RBFOX3: variants seen among roughly 807,000 people sequenced by gnomAD.
RBFOX3 encodes the protein RNA binding fox-1 homolog 3, also known as RNA binding protein fox-1 homolog 3.
A neutral mutation model predicts 48.7 loss-of-function variants in RBFOX3; 17 were observed. The observed-to-expected ratio is 0.35, with a 90% CI of 0.24 to 0.52. RBFOX3 has a LOEUF of 0.52. Among genes scored for constraint, RBFOX3 ranks in the 20% least tolerant of loss-of-function variants. RBFOX3 has a pLI of 0.94. For missense variants in RBFOX3, 382 were observed against 497.5 expected (o/e 0.77, Z 2.21); for synonymous variants, 212 against 209.5 (o/e 1.01, Z -0.10).
intron 4 of RBFOX3, among the ~76,000 whole-genome samples, chr17:79,203,823 T>C (rs2057131469): frequency 6.6e-6 from 1 of 152,086 alleles, no homozygotes; most frequent in African/African-American, 2.4e-5. Context: ...GTGTACCAAT[T>C]GTATACCAAT....
At position 79,419,371 on chromosome 17, in the gene RBFOX3, G is replaced by A. The variant is rs139546721; in HGVS notation, c.-175+63083C>T. Reference sequence around the variant, plus strand: ...TCCAGAAAACCAAAGATGAGCCAACGCCTCACCACTGCCAAGACCTACGTC... The same window carrying A: ...TCCAGAAAACCAAAGATGAGCCAACACCTCACCACTGCCAAGACCTACGTC... On this transcript the variant is annotated intron_variant, in intron 2 of 14. Coordinates refer to ENST00000693108, the MANE Select transcript of RBFOX3 (RefSeq NM_001350451.2). 1.8e-3 allele frequency among the ~76,000 whole-genome samples: 271 copies of A among 152,268 alleles called. 1 individual carries two copies. Among genetic ancestry groups the A allele is most frequent in the African/African-American group, 5.6e-3 (233 of 41,548 alleles).
the RBFOX3 span, among the ~76,000 whole-genome samples, chr17:79,649,610 G>A: frequency 2.0e-5 from 3 of 152,224 alleles, no homozygotes; most frequent in East Asian, 1.9e-4. Context: ...GGAGGCTGAC[G>A]CAGGAGAATC....
At chr17:79,133,915 C>A (rs955240636) in intron 4 of RBFOX3, among the ~76,000 whole-genome samples, 8 of 152,336 alleles carry the variant, frequency 5.3e-5, no homozygotes, top group African/African-American at 1.7e-4. Flanking sequence ...GTTCCAGGGC[C>A]GCTTGCTCTG....
At chr17:79,170,746 G>T (rs544666776) in intron 4 of RBFOX3, among the ~76,000 whole-genome samples, 33 of 152,080 alleles carry the variant, frequency 2.2e-4, no homozygotes, top group African/African-American at 8.0e-4. Context: ...TTCCTTACTT[G>T]TAAATCTGAT....
At chr17:79,308,910 A>G (rs2377399) in intron 2 of RBFOX3, among the ~76,000 whole-genome samples, 131,052 of 152,004 alleles carry the variant, frequency 0.86, 58,176 homozygotes, top group South Asian at 0.98. Flanking sequence ...CTTGAGGCCA[A>G]GAGTTCAAGA....
intron 2 of RBFOX3, among the ~76,000 whole-genome samples, chr17:79,377,232 GCA>G (rs200354223): frequency 0.086 from 13,064 of 152,022 alleles, 1,840 homozygotes; most frequent in African/African-American, 0.3. Context: ...CTACACAGAC[GCA>G]CAGAGATGCA....
intron 4 of RBFOX3, among the ~76,000 whole-genome samples, chr17:79,141,614 C>CCT (rs1175239455): frequency 6.6e-6 from 1 of 152,128 alleles, no homozygotes; most frequent in Non-Finnish European, 1.5e-5. Flanking sequence ...AAGCCACAGC[C>CCT]CCTTGGCAAT....
intron 2 of RBFOX3, among the ~76,000 whole-genome samples, chr17:79,385,039 A>T (rs1322354408): frequency 6.6e-6 from 1 of 152,164 alleles, no homozygotes; most frequent in Non-Finnish European, 1.5e-5. Context: ...TTGTGGTGGG[A>T]CCAACATTTC....
At chr17:79,577,256 T>C (rs951518120) in intron 1 of RBFOX3, among the ~76,000 whole-genome samples, 13 of 151,998 alleles carry the variant, frequency 8.6e-5, no homozygotes, top group African/African-American at 3.1e-4. Context: ...AACTGAAAAG[T>C]AGTGGGTGAG....
At chr17:79,459,768 G>A (rs770888468) in intron 2 of RBFOX3, among the ~76,000 whole-genome samples, 1 of 152,166 alleles carries the variant, frequency 6.6e-6, no homozygotes, top group Non-Finnish European at 1.5e-5. Flanking sequence ...GGGGAGAGGG[G>A]ATTTAAGAGT....
At chr17:79,166,759 T>G (rs1011885263) in intron 4 of RBFOX3, among the ~76,000 whole-genome samples, 2 of 152,186 alleles carry the variant, frequency 1.3e-5, no homozygotes, top group African/African-American at 4.8e-5. Flanking sequence ...GATGCCAGGC[T>G]GGGCTCAGTG....
chr17:79,548,792 C>T (rs2090830573), intron 1 of RBFOX3, among the ~76,000 whole-genome samples: 1 of 152,164 alleles, frequency 6.6e-6, no homozygotes, highest in African/African-American at 2.4e-5. Flanking sequence ...CTTCAGGACC[C>T]GGCATACAAG....
chr17:79,137,159 C>G (rs1046350244), intron 4 of RBFOX3, among the ~76,000 whole-genome samples: 1 of 152,146 alleles, frequency 6.6e-6, no homozygotes, highest in African/African-American at 2.4e-5. Context: ...CACGTGCTCA[C>G]ATGCATGGAC....
chr17:79,449,296 T>A (rs1304926680), intron 2 of RBFOX3, among the ~76,000 whole-genome samples: 1 of 152,092 alleles, frequency 6.6e-6, no homozygotes, highest in Admixed American at 6.5e-5. Flanking sequence ...TTGCTTCCTG[T>A]GCTAACCCCC....
intron 1 of RBFOX3, among the ~76,000 whole-genome samples, chr17:79,545,475 T>C (rs1241097364): frequency 1.3e-5 from 2 of 152,014 alleles, no homozygotes; most frequent in Non-Finnish European, 2.9e-5. Context: ...GCCTGGCCTC[T>C]CCCCACTTCG....
At chr17:79,215,063 C>T (rs907824966) in intron 4 of RBFOX3, among the ~76,000 whole-genome samples, 22 of 152,198 alleles carry the variant, frequency 1.4e-4, no homozygotes, top group African/African-American at 4.8e-4. Context: ...CACCCCCTGG[C>T]TCCCTGCCCT....
At chr17:79,503,697 A>G (rs1311531629) in intron 1 of RBFOX3, among the ~76,000 whole-genome samples, 1 of 152,160 alleles carries the variant, frequency 6.6e-6, no homozygotes, top group Non-Finnish European at 1.5e-5. Context: ...ACCAAGGGAC[A>G]TGGGGCCCCA....
intron 2 of RBFOX3, among the ~76,000 whole-genome samples, chr17:79,442,282 G>A (rs535078010): frequency 7.7e-5 from 1 of 13,008 alleles, no homozygotes. Context: ...AGAGAGAGAG[G>A]GAGAGAGGGA....
At chr17:79,370,338 G>A (rs2058348728) in intron 2 of RBFOX3, among the ~76,000 whole-genome samples, 1 of 152,190 alleles carries the variant, frequency 6.6e-6, no homozygotes, top group African/African-American at 2.4e-5. Flanking sequence ...CCCCACCCAG[G>A]GCCTCACTTG....
Sources: gnomAD v4.1 joint callset for allele counts (sites outside exome capture counted in the v4.1 genomes callset) on GRCh38, gnomAD v4.1.1 for gene constraint, MANE v1.5 for transcripts, NCBI Gene and HGNC (gene_info 2026-07-23, HGNC 2026-07-21) for gene names.